DSCAM: variants seen among roughly 807,000 people sequenced by gnomAD.
The protein encoded by DSCAM is cell adhesion molecule DSCAM.
DSCAM carries 47 observed loss-of-function variants against 217.7 expected under a neutral mutation model. That is an observed-to-expected ratio of 0.22 (90% CI 0.17 to 0.28). The LOEUF (loss-of-function observed/expected upper bound fraction) is 0.28. Among genes scored for constraint, DSCAM ranks in the 10% least tolerant of loss-of-function variants. The pLI, the probability that DSCAM is intolerant of heterozygous loss-of-function variation, is 1.00. For missense variants in DSCAM, 2,080 were observed against 2,618.3 expected, an observed-to-expected ratio of 0.79 and a Z score of 4.49; for synonymous variants, 1,056 against 1,015.3, an observed-to-expected ratio of 1.04 and a Z score of -0.76.
chr21:40,333,457 T>C (rs767576539), intron 8 of DSCAM, among the ~76,000 whole-genome samples: 2 of 152,134 alleles, frequency 1.3e-5, no homozygotes, highest in African/African-American at 2.4e-5. Flanking sequence ...CTCCGCCTCC[T>C]GGGTTCAAGC....
chr21:40,267,651 T>C (rs112689486), intron 11 of DSCAM, among the ~76,000 whole-genome samples: 17,449 of 152,118 alleles, frequency 0.11, 2,486 homozygotes, highest in African/African-American at 0.32. Context: ...AATCCCAACA[T>C]TTTGGGAGGC....
intron 3 of DSCAM, among the ~76,000 whole-genome samples, chr21:40,572,071 CAT>C (rs889646371): frequency 6.3e-4 from 84 of 133,226 alleles, no homozygotes; most frequent in African/African-American, 2.0e-3. Context: ...GGATACTCAA[CAT>C]GTGTGTGTGT....
At chr21:40,185,145 G>C (rs752214890) in intron 14 of DSCAM, among the ~76,000 whole-genome samples, 2 of 152,170 alleles carry the variant, frequency 1.3e-5, no homozygotes, top group African/African-American at 4.8e-5. Context: ...AGTAATCATA[G>C]AGATACATAT....
chr21:40,121,614 G>A (rs1218623484), intron 20 of DSCAM, among the ~76,000 whole-genome samples: 1 of 149,516 alleles, frequency 6.7e-6, no homozygotes, highest in Non-Finnish European at 1.5e-5. Context: ...GCAACACAGA[G>A]ATACCCTGAT....
At chr21:40,289,955 A>AGAGAAAGAAG (rs2073870794) in intron 10 of DSCAM, among the ~76,000 whole-genome samples, 1 of 152,184 alleles carries the variant, frequency 6.6e-6, no homozygotes, top group Non-Finnish European at 1.5e-5. Flanking sequence ...GCAGAGCTGG[A>AGAGAAAGAAG]GAGAAAGAAG....
chr21:40,017,262 A>T (rs905183538), intron 32 of DSCAM, among the ~76,000 whole-genome samples: 1 of 152,140 alleles, frequency 6.6e-6, no homozygotes, highest in Non-Finnish European at 1.5e-5. Flanking sequence ...CAATGACCTT[A>T]TTTTTGGGAA....
chr21:40,420,418 A>G (rs2075412271), intron 3 of DSCAM, among the ~76,000 whole-genome samples: 1 of 152,184 alleles, frequency 6.6e-6, no homozygotes. Context: ...TCAGAAAATC[A>G]GCTTTTGTTT....
intron 3 of DSCAM, among the ~76,000 whole-genome samples, chr21:40,577,326 C>T (rs1169870256): frequency 6.6e-6 from 1 of 151,180 alleles, no homozygotes; most frequent in Admixed American, 6.6e-5. Flanking sequence ...CAAATCTGAC[C>T]TACCTGACCC....
intron 27 of DSCAM, among the ~76,000 whole-genome samples, chr21:40,064,690 T>C (rs535083391): frequency 6.6e-6 from 1 of 152,294 alleles, no homozygotes; most frequent in East Asian, 1.9e-4. Context: ...GTGTGCTCCA[T>C]GCAGAGAATT....
At chr21:40,523,299 C>A (rs528375279) in intron 3 of DSCAM, among the ~76,000 whole-genome samples, 6 of 152,142 alleles carry the variant, frequency 3.9e-5, no homozygotes, top group African/African-American at 1.4e-4. Context: ...CAAGACCACC[C>A]TGGCCTGCCA....
chr21:40,216,435 A>C (rs537588317), intron 11 of DSCAM, among the ~76,000 whole-genome samples: 1 of 152,188 alleles, frequency 6.6e-6, no homozygotes, highest in Non-Finnish European at 1.5e-5. Flanking sequence ...TTTTTATGAA[A>C]TTTATATTAA....
intron 11 of DSCAM, 112 bp from the exon 12 acceptor site, chr21:40,189,350 T>C (rs936156782): frequency 2.4e-5 from 22 of 908,978 alleles, no homozygotes; most frequent in African/African-American, 2.4e-4. Context: ...AAATGAAATT[T>C]ATTCAAGAAA....
Position 40,079,041 on chromosome 21 carries a change from C to G in DSCAM, c.4421-64G>C. ...CATGGGGAGGCCATCAGCATCTTCACGCATTTCCCTCGGACTGCTTCCTCC... is the reference window on the plus strand; with the variant it reads ...CATGGGGAGGCCATCAGCATCTTCAGGCATTTCCCTCGGACTGCTTCCTCC... On this transcript the variant is annotated intron_variant, in intron 25 of 32. Transcript: ENST00000400454. 5 of 1,558,988 alleles carry G rather than the reference C, an allele frequency of 3.2e-6. No homozygotes were observed. The Middle Eastern group carries it at 5.2e-4, about 161-fold the overall frequency.
Position 40,682,625 on chromosome 21 carries a change from AAG to A in DSCAM, c.508+10183_508+10184del, listed in dbSNP as rs1166773432. On this transcript the variant is annotated intron_variant, in intron 3 of 32. Transcript: ENST00000400454. ...AGAGAAAGAAAGAAAGAGAAAGAGAAAGAGAGAGAAAGAAAGAGGAAGGGAAG... is the reference window on the plus strand; with the variant it reads ...AGAGAAAGAAAGAAAGAGAAAGAGAAAGAGAGAAAGAAAGAGGAAGGGAAG... 5.3e-4 allele frequency among the ~76,000 whole-genome samples: 58 copies of A among 110,088 alleles called. 7 individuals carry two copies. The highest frequency in any genetic ancestry group is 1.7e-3 in the African/African-American group (49 of 29,274). 72.2% of individuals were successfully genotyped at this position (110,088 alleles called of 152,430 possible). A position where few individuals can be genotyped will look rare whatever the true frequency, so the allele number is the denominator to read the frequency against.
chr21:40,803,552 A>C (rs1474364714), intron 1 of DSCAM, among the ~76,000 whole-genome samples: 1 of 151,798 alleles, frequency 6.6e-6, no homozygotes, highest in Non-Finnish European at 1.5e-5. Context: ...GGGCCCCCAG[A>C]CTCCCCCTTC....
chr21:40,823,797 C>T (rs1232290566), intron 1 of DSCAM, among the ~76,000 whole-genome samples: 2 of 152,120 alleles, frequency 1.3e-5, no homozygotes, highest in Admixed American at 6.5e-5. Context: ...AGGATGTGCC[C>T]TCTGATCCAT....
chr21:40,250,989 G>A (rs2073296220), intron 11 of DSCAM, among the ~76,000 whole-genome samples: 2 of 152,220 alleles, frequency 1.3e-5, no homozygotes, highest in Admixed American at 1.3e-4. Flanking sequence ...TCTATCACCT[G>A]ATATCCTGAA....
chr21:40,579,068 T>C (rs1568918372), intron 3 of DSCAM, among the ~76,000 whole-genome samples: 1 of 150,526 alleles, frequency 6.6e-6, no homozygotes, highest in African/African-American at 2.4e-5. Flanking sequence ...CAGAGGGAGG[T>C]AGAGGGAATG....
At position 40,138,072 on chromosome 21, in the gene DSCAM, C is replaced by G. The variant is rs377536763; in HGVS notation, c.3407-4063G>C. Among the ~76,000 whole-genome samples the G allele has an allele frequency of 3.3e-4, 51 of 152,324 alleles. No homozygotes were observed. In the East Asian group the frequency reaches 4.2e-3, roughly 13 times the overall value. On this transcript the variant is annotated intron_variant, in intron 18 of 32. Coordinates refer to ENST00000400454, the MANE Select transcript of DSCAM (RefSeq NM_001389.5). ...ATGAAAAAAAAATCAGAAAATTCAT[C>G]AAAATATTGTTTATTTAACCTTCCC... is the stretch of plus-strand genomic sequence containing the variant.
Sources: gnomAD v4.1 joint callset for allele counts (sites outside exome capture counted in the v4.1 genomes callset) on GRCh38, gnomAD v4.1.1 for gene constraint, MANE v1.5 for transcripts, NCBI Gene and HGNC (gene_info 2026-07-23, HGNC 2026-07-21) for gene names.